FGD6: variants seen among roughly 807,000 people sequenced by gnomAD.
The protein encoded by FGD6 is FYVE, RhoGEF and PH domain-containing protein 6.
FGD6 carries 90 observed loss-of-function variants against 149.4 expected under a neutral mutation model. The ratio of observed to expected loss-of-function variants is 0.60; its 90% CI spans 0.51 to 0.72. The LOEUF (loss-of-function observed/expected upper bound fraction) is 0.72, where lower values mean the gene tolerates loss of function less well. FGD6 is among the 30% of genes least tolerant of loss of function. The pLI is 0.00. For synonymous variants in FGD6, 527 were observed against 584.0 expected, an observed-to-expected ratio of 0.90 and a Z score of 1.41; for missense variants, 1,437 against 1,684.8, an observed-to-expected ratio of 0.85 and a Z score of 2.57.
chr12:95,093,011 C>T (rs766242591), intron 15 of FGD6, among the ~76,000 whole-genome samples, 166 bp from the exon 16 acceptor site: 4 of 151,182 alleles, frequency 2.6e-5, no homozygotes, highest in Admixed American at 6.6e-5. Flanking sequence ...ACATGAGGTA[C>T]GGAGTTTGCG....
intron 5 of FGD6, among the ~76,000 whole-genome samples, chr12:95,149,821 T>A (rs1400498451): frequency 6.8e-6 from 1 of 146,316 alleles, no homozygotes; most frequent in Non-Finnish European, 1.5e-5. Flanking sequence ...ATAGTAATCA[T>A]TATATATAAT....
intron 20 of FGD6, among the ~76,000 whole-genome samples, chr12:95,083,010 A>AT (rs869151967): frequency 2.9e-3 from 78 of 26,764 alleles, no homozygotes; most frequent in Non-Finnish European, 3.9e-3. Flanking sequence ...AAAAAAAAAA[A>AT]AAATATATAT....
chr12:95,191,091 T>C (rs937455079), intron 2 of FGD6, among the ~76,000 whole-genome samples: 1 of 152,148 alleles, frequency 6.6e-6, no homozygotes, highest in African/African-American at 2.4e-5. Context: ...AAGTGATACA[T>C]CTTCTTTGCA....
intron 2 of FGD6, among the ~76,000 whole-genome samples, chr12:95,207,389 G>A (rs61937946): frequency 0.092 from 13,998 of 152,058 alleles, 840 homozygotes; most frequent in African/African-American, 0.17. Flanking sequence ...GCGTGAGAAC[G>A]GACTAATACA....
chr12:95,078,605 G>A lies in FGD6; in HGVS notation c.*2915C>T, dbSNP rs1161555682. ...ACACACTCAAAGAATCAAGAATCTTGGGCAACCAAAATACAATAGGGGGAT... is the reference window on the plus strand; with the variant it reads ...ACACACTCAAAGAATCAAGAATCTTAGGCAACCAAAATACAATAGGGGGAT... On this transcript the variant is annotated 3_prime_UTR_variant, in exon 21 of 21. Transcript: ENST00000343958. The A allele has an allele frequency of 6.6e-6, 1 of 152,130 alleles. No homozygotes were observed. Among genetic ancestry groups the A allele is most frequent in the Non-Finnish European group, 1.5e-5 (1 of 68,034 alleles). 9.4% of individuals were successfully genotyped at this position (152,130 alleles called of 1,614,324 possible). A position where few individuals can be genotyped will look rare whatever the true frequency, so the allele number is the denominator to read the frequency against.
chr12:95,101,626 G>GCTCAA (rs996327010), intron 14 of FGD6, among the ~76,000 whole-genome samples: 1 of 150,866 alleles, frequency 6.6e-6, no homozygotes, highest in African/African-American at 2.4e-5. Context: ...TAAGAACCAA[G>GCTCAA]CTCAAGCACT....
intron 2 of FGD6, among the ~76,000 whole-genome samples, chr12:95,206,880 G>A (rs572331685): frequency 6.6e-5 from 10 of 151,988 alleles, no homozygotes; most frequent in African/African-American, 9.7e-5. Flanking sequence ...GACTGACTAC[G>A]AGTAAAGAGA....
intron 9 of FGD6, among the ~76,000 whole-genome samples, chr12:95,112,770 A>G (rs1297298345): frequency 6.6e-6 from 1 of 152,170 alleles, no homozygotes; most frequent in Admixed American, 6.5e-5. Context: ...AGGAACTCCA[A>G]TTATCCCACT....
intron 2 of FGD6, among the ~76,000 whole-genome samples, chr12:95,201,120 C>T (rs1194651522): frequency 1.3e-5 from 2 of 151,222 alleles, no homozygotes; most frequent in Non-Finnish European, 2.9e-5. Context: ...TCTAGAAGAA[C>T]ATAAAAAGCT....
intron 13 of FGD6, among the ~76,000 whole-genome samples, chr12:95,106,323 T>C (rs1272128843): frequency 1.3e-5 from 2 of 149,836 alleles, no homozygotes; most frequent in African/African-American, 4.9e-5. Flanking sequence ...CCAGCTGGAG[T>C]GTAGTCGCGC....
At chr12:95,113,599 C>T in intron 9 of FGD6, 52 bp downstream of exon 9, 3 of 1,327,800 alleles carry the variant, frequency 2.3e-6, no homozygotes, top group South Asian at 2.5e-5. Flanking sequence ...CTTTCTAGCC[C>T]TACCTAAATA....
intron 2 of FGD6, among the ~76,000 whole-genome samples, chr12:95,183,226 A>G (rs1229126501): frequency 1.3e-5 from 2 of 152,212 alleles, no homozygotes; most frequent in East Asian, 3.8e-4. Flanking sequence ...GACCAGGTGC[A>G]GTGTCTGCCT....
chr12:95,141,019 C>T (rs1472560366), intron 6 of FGD6, among the ~76,000 whole-genome samples: 3 of 151,972 alleles, frequency 2.0e-5, no homozygotes, highest in African/African-American at 7.3e-5. Context: ...GTCAGGAGTT[C>T]GAGACCAGCC....
rs1466288863 is a variant in FGD6, at chr12:95,152,808, T to C, written c.2685+3A>G. ...CTTCAAGAAAATATTAGCAGATACT[T>C]ACAATATGCAAAAGTTTTAACACAT... On this transcript the variant is annotated splice_donor_region_variant and intron_variant, in intron 5 of 20. Coordinates refer to ENST00000343958, the MANE Select transcript of FGD6 (RefSeq NM_018351.4). 1 of 1,611,814 alleles carries C rather than the reference T, an allele frequency of 6.2e-7. No homozygotes were observed. Among genetic ancestry groups the C allele is most frequent in the Admixed American group, 1.7e-5 (1 of 59,886 alleles).
intron 8 of FGD6, among the ~76,000 whole-genome samples, chr12:95,118,154 T>A (rs1471593231): frequency 6.6e-6 from 1 of 151,810 alleles, no homozygotes; most frequent in Non-Finnish European, 1.5e-5. Flanking sequence ...AGTTTGAGAC[T>A]AGCCTGGCCA....
At chr12:95,113,235 T>C (rs1051709838) in intron 9 of FGD6, among the ~76,000 whole-genome samples, 4 of 149,340 alleles carry the variant, frequency 2.7e-5, no homozygotes. Flanking sequence ...TCAAGTCTTT[T>C]TTTTTTTTTT....
intron 2 of FGD6, among the ~76,000 whole-genome samples, chr12:95,177,443 A>C (rs899483141): frequency 6.6e-6 from 1 of 152,200 alleles, no homozygotes; most frequent in Admixed American, 6.5e-5. Context: ...CCAAGCTTGA[A>C]GAAAGAAGTT....
At chr12:95,184,851 G>A (rs1024067109) in intron 2 of FGD6, among the ~76,000 whole-genome samples, 6 of 151,088 alleles carry the variant, frequency 4.0e-5, no homozygotes, top group African/African-American at 1.5e-4. Flanking sequence ...CCAAAGTGCT[G>A]GGATTACAGG....
intron 3 of FGD6, among the ~76,000 whole-genome samples, chr12:95,157,705 T>C (rs534663505): frequency 1.6e-3 from 248 of 152,306 alleles, no homozygotes; most frequent in Middle Eastern, 3.4e-3. Context: ...GGATACTTTT[T>C]TCATGCTACT....
Sources: allele counts gnomAD v4.1 joint callset (sites outside exome capture counted in the v4.1 genomes callset), GRCh38; gene constraint gnomAD v4.1.1; transcripts MANE v1.5; gene names NCBI Gene and HGNC (gene_info 2026-07-23, HGNC 2026-07-21).